Variants in MEIS3 observed in about 807,000 individuals in gnomAD.
MEIS3 encodes the protein homeobox protein Meis3.
Under a neutral mutation model 51.4 loss-of-function variants are expected in MEIS3, and 38 were observed. The ratio of observed to expected loss-of-function variants is 0.74; its 90% CI spans 0.57 to 0.97. MEIS3 has a LOEUF of 0.97. MEIS3 is among the 50% of genes least tolerant of loss of function. The pLI is 0.00. For synonymous variants in MEIS3, 198 were observed against 201.8 expected (o/e 0.98, Z 0.16); for missense variants, 456 against 502.6 (o/e 0.91, Z 0.89).
At chr19:47,404,534 C>T (rs985180216) in intron 12 of MEIS3, among the ~76,000 whole-genome samples, 6 of 152,150 alleles carry the variant, frequency 3.9e-5, no homozygotes, top group African/African-American at 1.4e-4. Context: ...GGGGCTGGGG[C>T]TGTCTCACAG....
upstream of MEIS3, among the ~76,000 whole-genome samples, chr19:47,422,081 T>C (rs7245844): frequency 0.2 from 30,412 of 151,406 alleles, 6,498 homozygotes; most frequent in African/African-American, 0.53. Flanking sequence ...CTCCGCCCGC[T>C]GGCCACGCCA....
intron 11 of MEIS3, 148 bp from the exon 12 acceptor site, chr19:47,406,674 T>C (rs1222247939): frequency 7.6e-6 from 7 of 917,440 alleles, no homozygotes; most frequent in Admixed American, 2.5e-5. Context: ...TAAGAAAAAG[T>C]GGAGCCTTCC....
chr19:47,421,873 C>T (rs971495737), upstream of MEIS3, among the ~76,000 whole-genome samples: 6 of 151,616 alleles, frequency 4.0e-5, no homozygotes, highest in Non-Finnish European at 8.8e-5. Flanking sequence ...TCTTCTCCCT[C>T]CTTCCTCTCC....
intron 2 of MEIS3, 40 bp downstream of exon 2, chr19:47,417,136 CAG>C (rs566975884): frequency 3.9e-4 from 581 of 1,505,632 alleles, no homozygotes; most frequent in Admixed American, 1.1e-3. Flanking sequence ...AGCAGAAAGA[CAG>C]AGAGAGAGAG....
chr19:47,420,851 C>A (rs1336856651), upstream of MEIS3, among the ~76,000 whole-genome samples: 2 of 151,480 alleles, frequency 1.3e-5, no homozygotes, highest in African/African-American at 2.4e-5. Context: ...CAGTCTTTCC[C>A]TCTGTCTGTC....
At position 47,406,541 on chromosome 19, in the gene MEIS3, A is replaced by T; in HGVS notation, c.1079-15T>A. 2 of 1,613,990 alleles carry T rather than the reference A, an allele frequency of 1.2e-6. No individual in the cohort carries two copies. The highest frequency in any genetic ancestry group is 1.7e-6 in the Non-Finnish European group (2 of 1,179,912). ...CCCCACTGATCCTGGAAGACAAAAA[A>T]AAAGGAGGGTAAGTGCGTCTTTCAG... On this transcript the variant is annotated splice_polypyrimidine_tract_variant and intron_variant, in intron 11 of 12. Coordinates refer to ENST00000558555, the MANE Select transcript of MEIS3 (RefSeq NM_001301059.2).
At chr19:47,414,380 G>A (rs1329578916) in intron 6 of MEIS3, among the ~76,000 whole-genome samples, 1 of 152,128 alleles carries the variant, frequency 6.6e-6, no homozygotes, top group East Asian at 1.9e-4. Flanking sequence ...TGGGCTGGGG[G>A]GCGTGTGTGA....
chr19:47,420,013 A>G (rs1370315915), upstream of MEIS3, among the ~76,000 whole-genome samples: 1 of 152,100 alleles, frequency 6.6e-6, no homozygotes, highest in South Asian at 2.1e-4. Flanking sequence ...ATAACGGAGA[A>G]ACAGTTAAGC....
chr19:47,421,406 G>T (rs1014148672), upstream of MEIS3, among the ~76,000 whole-genome samples: 1 of 152,132 alleles, frequency 6.6e-6, no homozygotes, highest in Non-Finnish European at 1.5e-5. Flanking sequence ...GTCCCCCGGG[G>T]ATCCGCAGTG....
At chr19:47,420,698 T>G (rs1376486933), upstream of MEIS3, among the ~76,000 whole-genome samples, 1 of 151,028 alleles carries the variant, frequency 6.6e-6, no homozygotes, top group Non-Finnish European at 1.5e-5. Context: ...GAAGCATAAA[T>G]CTTTCTAATT....
intron 4 of MEIS3, 59 bp from the exon 5 acceptor site, chr19:47,415,160 G>GGAAGAAGGAAGAGGAAGA: frequency 1.0e-6 from 1 of 960,242 alleles, no homozygotes; most frequent in Non-Finnish European, 1.6e-6. Flanking sequence ...GGAGCAGGGA[G>GGAAGAAGGAAGAGGAAGA]GAAGAAGGAA....
chr19:47,405,178 A>G (rs2122456384), intron 12 of MEIS3, among the ~76,000 whole-genome samples: 1 of 152,328 alleles, frequency 6.6e-6, no homozygotes, highest in East Asian at 1.9e-4. Context: ...CTTATCTATG[A>G]AATTAAAATT....
At chr19:47,409,034 T>G in intron 8 of MEIS3, 65 bp downstream of exon 8, 3 of 1,557,852 alleles carry the variant, frequency 1.9e-6, no homozygotes, top group Non-Finnish European at 2.6e-6. Flanking sequence ...GGGGTTTCGG[T>G]CTCTGTGGTC....
At chr19:47,421,233 C>A (rs1971707522), upstream of MEIS3, among the ~76,000 whole-genome samples, 1 of 152,130 alleles carries the variant, frequency 6.6e-6, no homozygotes, top group Non-Finnish European at 1.5e-5. Context: ...CTAGCCCTGT[C>A]CTGCACCTGT....
rs1398430707 is a variant in MEIS3 at position 47,409,490 on chromosome 19, C to G, written c.655G>C (p.Gly219Arg). The G allele has an allele frequency of 6.2e-7, 1 of 1,614,150 alleles. No individual in the cohort carries two copies. ...GAGGCCAGGCCCCCACTGGATGGACCTGGGGTCCCCAAATGTACAGACCCA... is the reference window on the plus strand; with the variant it reads ...GAGGCCAGGCCCCCACTGGATGGACGTGGGGTCCCCAAATGTACAGACCCA... Reference protein sequence around the residue: ...DSGSVHLGTPGPSSGGLASQS... With the variant: ...DSGSVHLGTPRPSSGGLASQS... The change falls in exon 7 of 13, where the codon GGT becomes CGT. Residue 219 changes from glycine to arginine, a missense_variant. Transcript: ENST00000558555.
chr19:47,419,948 G>C (rs1160379227), upstream of MEIS3, among the ~76,000 whole-genome samples: 3 of 152,108 alleles, frequency 2.0e-5, no homozygotes. Flanking sequence ...TCTGAGGCTC[G>C]ATTCCCCCTC....
At chr19:47,418,034 AGG>A (rs1599830700) in intron 1 of MEIS3, 1 of 343,030 alleles carries the variant, frequency 2.9e-6, no homozygotes, top group East Asian at 5.8e-5. Flanking sequence ...CATTTAGCAC[AGG>A]GCCTGGCTCA....
chr19:47,405,434 G>A (rs1454142943), intron 12 of MEIS3, among the ~76,000 whole-genome samples: 7 of 152,172 alleles, frequency 4.6e-5, no homozygotes, highest in African/African-American at 1.7e-4. Context: ...CTCCTATGGG[G>A]AAACTACGTT....
chr19:47,407,658 A>C (rs1264548284), intron 8 of MEIS3: 5 of 1,048,268 alleles, frequency 4.8e-6, no homozygotes, highest in Admixed American at 3.2e-5. Context: ...TTAGAGGTTA[A>C]CTGGCCAGCT....
Sources: gnomAD v4.1 joint callset for allele counts (sites outside exome capture counted in the v4.1 genomes callset) on GRCh38, gnomAD v4.1.1 for gene constraint, MANE v1.5 for transcripts, NCBI Gene and HGNC (gene_info 2026-07-23, HGNC 2026-07-21) for gene names.